AGBL4: variants seen among roughly 807,000 people sequenced by gnomAD.
AGBL4 encodes AGBL carboxypeptidase 4.
AGBL4 carries 58 observed loss-of-function variants against 66.4 expected under a neutral mutation model. The observed-to-expected ratio is 0.87, with a 90% CI of 0.71 to 1.09. The LOEUF is 1.09. AGBL4 is among the 50% of genes least tolerant of loss of function. AGBL4 has a pLI of 0.00. For missense variants in AGBL4, 579 were observed against 631.0 expected, an observed-to-expected ratio of 0.92 and a Z score of 0.88; for synonymous variants, 234 against 222.9, an observed-to-expected ratio of 1.05 and a Z score of -0.44.
chr1:49,749,125 G>A (rs1044551960), intron 2 of AGBL4, among the ~76,000 whole-genome samples: 2 of 152,214 alleles, frequency 1.3e-5, no homozygotes, highest in African/African-American at 2.4e-5. Context: ...TTCTTCTAGG[G>A]TTTTTATGGT....
chr1:48,874,895 ACCTTGGCT>A (rs938045645), intron 5 of AGBL4, among the ~76,000 whole-genome samples: 17 of 152,062 alleles, frequency 1.1e-4, no homozygotes, highest in Admixed American at 7.2e-4. Flanking sequence ...CCTGCTTCCA[ACCTTGGCT>A]CCTGCCCTTG....
At chr1:48,808,304 C>A (rs528968885) in intron 6 of AGBL4, among the ~76,000 whole-genome samples, 1 of 152,330 alleles carries the variant, frequency 6.6e-6, no homozygotes, top group Middle Eastern at 3.4e-3. Flanking sequence ...TTATTAGAGG[C>A]ACCTTAAACA....
At chr1:49,966,689 C>A (rs938924233) in intron 1 of AGBL4, among the ~76,000 whole-genome samples, 2 of 152,068 alleles carry the variant, frequency 1.3e-5, no homozygotes, top group Non-Finnish European at 2.9e-5. Flanking sequence ...GTATCTATAT[C>A]ATTAAGTGTC....
intron 6 of AGBL4, among the ~76,000 whole-genome samples, chr1:48,801,985 G>A (rs952771871): frequency 4.0e-5 from 6 of 150,324 alleles, no homozygotes; most frequent in East Asian, 1.9e-4. Context: ...TTCTAACATC[G>A]TCTTCCCCAC....
intron 5 of AGBL4, among the ~76,000 whole-genome samples, chr1:48,875,983 G>A (rs1649183267): frequency 6.6e-6 from 1 of 152,154 alleles, no homozygotes; most frequent in Admixed American, 6.5e-5. Context: ...AGGTTTATAG[G>A]CAGAAAAGCA....
At chr1:49,653,766 A>T (rs962562857) in intron 3 of AGBL4, among the ~76,000 whole-genome samples, 3 of 151,736 alleles carry the variant, frequency 2.0e-5, no homozygotes. Flanking sequence ...GGTAGATGAG[A>T]TTAGAGAAAA....
At chr1:49,465,941 T>G (rs1462341194) in intron 3 of AGBL4, among the ~76,000 whole-genome samples, 1 of 151,860 alleles carries the variant, frequency 6.6e-6, no homozygotes, top group Non-Finnish European at 1.5e-5. Flanking sequence ...ATGGTTTAGA[T>G]GAAAGTAAAA....
intron 5 of AGBL4, among the ~76,000 whole-genome samples, chr1:48,944,682 C>T (rs1246738124): frequency 6.6e-6 from 1 of 152,254 alleles, no homozygotes; most frequent in South Asian, 2.1e-4. Context: ...AAACTGCCCC[C>T]CGCAACCCTT....
chr1:49,393,492 G>C (rs1644892276), intron 3 of AGBL4, among the ~76,000 whole-genome samples: 1 of 152,150 alleles, frequency 6.6e-6, no homozygotes, highest in Non-Finnish European at 1.5e-5. Flanking sequence ...TCTCAAGCGA[G>C]AGAAGCAAAA....
intron 9 of AGBL4, among the ~76,000 whole-genome samples, chr1:48,610,339 C>T (rs918638288): frequency 6.6e-6 from 1 of 152,126 alleles, no homozygotes; most frequent in Non-Finnish European, 1.5e-5. Flanking sequence ...ATCCCAGCTA[C>T]CCACACTGGG....
chr1:49,801,107 C>T (rs1044691200), intron 2 of AGBL4, among the ~76,000 whole-genome samples: 3 of 152,172 alleles, frequency 2.0e-5, no homozygotes, highest in African/African-American at 7.2e-5. Context: ...AAAAAATGCT[C>T]ATCATCACTG....
At chr1:49,369,883 A>G (rs1009847240) in intron 3 of AGBL4, among the ~76,000 whole-genome samples, 2 of 151,812 alleles carry the variant, frequency 1.3e-5, no homozygotes, top group African/African-American at 4.8e-5. Flanking sequence ...CACGAAAATG[A>G]AGACTTTAAA....
At chr1:49,353,700 A>G (rs1643958165) in intron 3 of AGBL4, among the ~76,000 whole-genome samples, 1 of 152,074 alleles carries the variant, frequency 6.6e-6, no homozygotes, top group African/African-American at 2.4e-5. Flanking sequence ...CCTGTCCTGT[A>G]CCCATACAAA....
At chr1:48,874,214 C>T (rs1313884521) in intron 5 of AGBL4, among the ~76,000 whole-genome samples, 1 of 152,186 alleles carries the variant, frequency 6.6e-6, no homozygotes. Context: ...CTTCAGGGCT[C>T]AAGCCCTTTC....
At chr1:48,689,374 C>CACGT (rs1646588095) in intron 6 of AGBL4, among the ~76,000 whole-genome samples, 1 of 150,300 alleles carries the variant, frequency 6.7e-6, no homozygotes, top group South Asian at 2.1e-4. Flanking sequence ...GGATGACGGT[C>CACGT]ACCTACCTAC....
At chr1:49,063,331 G>A (rs1021377182) in intron 4 of AGBL4, among the ~76,000 whole-genome samples, 5 of 152,126 alleles carry the variant, frequency 3.3e-5, no homozygotes, top group South Asian at 2.1e-4. Flanking sequence ...AGCACAACAC[G>A]TAAAACCAAA....
chr1:49,047,502 A>G (rs1401407517), intron 4 of AGBL4, among the ~76,000 whole-genome samples: 1 of 152,152 alleles, frequency 6.6e-6, no homozygotes, highest in Non-Finnish European at 1.5e-5. Flanking sequence ...TTCAAGACAA[A>G]TCTTATAGGC....
At chr1:49,391,325 C>T (rs1644840713) in intron 3 of AGBL4, among the ~76,000 whole-genome samples, 1 of 152,084 alleles carries the variant, frequency 6.6e-6, no homozygotes, top group Non-Finnish European at 1.5e-5. Flanking sequence ...TCTTTTTGAT[C>T]TTTAAAAAGA....
chr1:49,034,760 C>T (rs962787900), intron 5 of AGBL4, among the ~76,000 whole-genome samples: 2 of 152,100 alleles, frequency 1.3e-5, no homozygotes, highest in African/African-American at 2.4e-5. Flanking sequence ...GAAGGATGTG[C>T]TTCCCCTTCT....
Sources: allele counts gnomAD v4.1 joint callset (sites outside exome capture counted in the v4.1 genomes callset), GRCh38; gene constraint gnomAD v4.1.1; transcripts MANE v1.5; gene names NCBI Gene and HGNC (gene_info 2026-07-23, HGNC 2026-07-21).